Variants in DMXL1 observed in about 807,000 individuals in gnomAD.
DMXL1 encodes dmX-like protein 1.
DMXL1 carries 99 observed loss-of-function variants against 319.2 expected under a neutral mutation model. The ratio of observed to expected loss-of-function variants is 0.31; its 90% CI spans 0.26 to 0.37. The LOEUF (loss-of-function observed/expected upper bound fraction) is 0.37. Among genes scored for constraint, DMXL1 ranks in the 10% least tolerant of loss-of-function variants. The pLI, the probability that DMXL1 is intolerant of heterozygous loss-of-function variation, is 1.00. For missense variants in DMXL1, 3,745 were observed against 3,595.6 expected (o/e 1.04, Z -1.06); for synonymous variants, 1,385 against 1,235.2 (o/e 1.12, Z -2.54).
intron 13 of DMXL1, among the ~76,000 whole-genome samples, chr5:119,141,754 A>G (rs1053365999): frequency 2.6e-5 from 4 of 152,200 alleles, no homozygotes; most frequent in Admixed American, 6.5e-5. Context: ...ACAGAACTAG[A>G]GAAACCTATT....
At chr5:119,240,569 A>G (rs986123231) in intron 42 of DMXL1, 98 bp downstream of exon 42, 129 of 894,640 alleles carry the variant, frequency 1.4e-4, no homozygotes, top group Admixed American at 2.1e-4. Flanking sequence ...ACATATATTT[A>G]TTAACCCATG....
At chr5:119,231,777 G>C (rs748678295) in intron 38 of DMXL1, among the ~76,000 whole-genome samples, 2 of 152,188 alleles carry the variant, frequency 1.3e-5, no homozygotes, top group Non-Finnish European at 2.9e-5. Flanking sequence ...TGGTTAAGTG[G>C]AAAGTCCTCA....
chr5:119,121,869 C>CTGCAATCTCGGCACTTTG (rs1176515263), intron 9 of DMXL1, among the ~76,000 whole-genome samples: 9 of 150,220 alleles, frequency 6.0e-5, no homozygotes, highest in South Asian at 2.1e-4. Context: ...CGGGCAGAGG[C>CTGCAATCTCGGCACTTTG]GCCCCTCACC....
chr5:119,118,776 A>T (rs774412610), intron 7 of DMXL1, 39 bp from the exon 8 acceptor site: 1 of 1,498,760 alleles, frequency 6.7e-7, no homozygotes, highest in South Asian at 1.2e-5. Context: ...TACTATGTGA[A>T]ATTTGTATTT....
chr5:119,109,727 G>C (rs758561923), intron 4 of DMXL1, among the ~76,000 whole-genome samples: 1 of 151,978 alleles, frequency 6.6e-6, no homozygotes, highest in Non-Finnish European at 1.5e-5. Context: ...ACTTTTCCTG[G>C]CACTTTTACT....
At chr5:119,179,245 C>A (rs893641631) in intron 28 of DMXL1, among the ~76,000 whole-genome samples, 1 of 146,802 alleles carries the variant, frequency 6.8e-6, no homozygotes, top group Non-Finnish European at 1.5e-5. Context: ...ATACATAGTA[C>A]TTGAAAACTT....
Position 119,094,949 on chromosome 5 carries a change from A to G in DMXL1, c.88-3030A>G, listed in dbSNP as rs1339966514. Among the ~76,000 whole-genome samples the G allele has an allele frequency of 2.0e-5, 3 of 149,736 alleles. No individual in the cohort carries two copies. The Admixed American group carries it at 2.0e-4, about 10-fold the overall frequency. On this transcript the variant is annotated intron_variant, in intron 1 of 43. Coordinates refer to ENST00000539542, the MANE Select transcript of DMXL1 (RefSeq NM_001290321.3). ...ATGCTCACCACAGCCTTGACCTTCT[A>G]GGCTCAGGTTATCCTCCCACCTCAG...
rs954259938 is a variant in DMXL1 at position 119,089,775 on chromosome 5, C to T, written c.88-8204C>T. 6.6e-5 allele frequency among the ~76,000 whole-genome samples: 10 copies of T among 151,300 alleles called. 1 individual carries two copies. The highest frequency in any genetic ancestry group is 2.2e-4 in the African/African-American group (9 of 41,118). Reference sequence around the variant, plus strand: ...CTGAGTAGCTGGGATTACAGGCATACGCCACCATACCCAGCTAATTTTGTA... The same window carrying T: ...CTGAGTAGCTGGGATTACAGGCATATGCCACCATACCCAGCTAATTTTGTA... On this transcript the variant is annotated intron_variant, in intron 1 of 43. Transcript: ENST00000539542.
At chr5:119,239,604 G>A (rs902639971) in intron 41 of DMXL1, among the ~76,000 whole-genome samples, 1 of 152,080 alleles carries the variant, frequency 6.6e-6, no homozygotes, top group African/African-American at 2.4e-5. Context: ...ATTTGTAAAC[G>A]CATGTTAATC....
chr5:119,170,637 C>G lies in DMXL1; in HGVS notation c.5846C>G (p.Ser1949Cys). 1.9e-6 allele frequency: 3 copies of G among 1,613,728 alleles called. No individual in the cohort carries two copies. The South Asian group carries it at 3.3e-5, about 18-fold the overall frequency. Residue 1949 changes from serine (S) to cysteine (C), a missense_variant, in exon 24 of 44, where the codon TCT becomes TGT. By Grantham distance (112) the Ser-to-Cys change is moderately radical. Coordinates refer to ENST00000539542, the MANE Select transcript of DMXL1 (RefSeq NM_001290321.3). The part of the protein sequence containing the change: ...SSEKQSNSTL[S>C]FDWSQPSVVF... ...GAGAAGCAATCAAACTCCACTCTTT[C>G]TTTTGACTGGAGCCAACCAAGTGTT...
chr5:119,189,146 A>AT (rs1450929133), intron 28 of DMXL1, among the ~76,000 whole-genome samples: 1 of 152,178 alleles, frequency 6.6e-6, no homozygotes, highest in African/African-American at 2.4e-5. Flanking sequence ...AAACAACAAA[A>AT]TTGCATTATT....
At chr5:119,132,725 C>T in intron 10 of DMXL1, 1 of 519,586 alleles carries the variant, frequency 1.9e-6, no homozygotes, top group Non-Finnish European at 3.9e-6. Context: ...GACAATTAGT[C>T]CTATATTGGC....
At chr5:119,164,475 TC>T (rs753658025) in intron 19 of DMXL1, 31 bp from the exon 20 acceptor site, 8 of 1,568,664 alleles carry the variant, frequency 5.1e-6, no homozygotes, top group Non-Finnish European at 7.0e-6. Context: ...TATTTATAAT[TC>T]TTATAAACAT....
intron 32 of DMXL1, among the ~76,000 whole-genome samples, 185 bp downstream of exon 32, chr5:119,198,141 A>G (rs574601280): frequency 1.3e-5 from 2 of 152,208 alleles, no homozygotes; most frequent in South Asian, 2.1e-4. Flanking sequence ...GGCGCCTGCC[A>G]CCACGCCTGG....
chr5:119,140,817 T>G (rs554520569), intron 13 of DMXL1, among the ~76,000 whole-genome samples: 6 of 152,182 alleles, frequency 3.9e-5, no homozygotes, highest in African/African-American at 1.4e-4. Flanking sequence ...AAGAAAACTT[T>G]AGCCCAATAT....
chr5:119,184,654 A>G (rs990080500), intron 28 of DMXL1, among the ~76,000 whole-genome samples: 2 of 152,148 alleles, frequency 1.3e-5, no homozygotes, highest in Non-Finnish European at 2.9e-5. Flanking sequence ...CCCACTTCAT[A>G]CAATCCCTGG....
chr5:119,157,592 G>A (rs1055918660), intron 19 of DMXL1, among the ~76,000 whole-genome samples: 3 of 152,106 alleles, frequency 2.0e-5, no homozygotes, highest in Non-Finnish European at 4.4e-5. Flanking sequence ...CTTTCCCATT[G>A]TGTGTTCCTG....
In DMXL1 at chr5:119,223,149, C is replaced by T. The variant is rs1243365737; in HGVS notation, c.8278-1560C>T. 2.0e-5 allele frequency among the ~76,000 whole-genome samples: 3 copies of T among 150,682 alleles called. No homozygotes were observed. The East Asian group carries it at 5.9e-4, about 29-fold the overall frequency. ...TTGGCTCACTGCAACCTCCACCCCA[C>T]AGGTTCAAGCAATTCTCCTGCCTCA... On this transcript the variant is annotated intron_variant, in intron 37 of 43. Coordinates refer to ENST00000539542, the MANE Select transcript of DMXL1 (RefSeq NM_001290321.3).
Position 119,134,377 on chromosome 5 carries a change from C to A in DMXL1, c.2364C>A (p.Asn788Lys). The change falls in exon 13 of 44, where the codon AAC becomes AAA. Residue 788 changes from asparagine to lysine, a missense_variant. Physicochemically the swap from Asn to Lys is moderately conservative, Grantham distance 94. This residue lies in a region of DMXL1 where 2,096 missense variants were observed against 1,985.4 expected (regional missense o/e 1.06). Transcript: ENST00000539542. ...AGAAACTTTTATCTGAGCTTTCTAA[C>A]CCTGAAATTTCTGTAAGTAATGTCT... ...DAKKLLSELS[N>K]PEISKYVGEV... 1 of 1,608,752 alleles carries A rather than the reference C, an allele frequency of 6.2e-7. No individual in the cohort carries two copies. Among genetic ancestry groups the A allele is most frequent in the East Asian group, 2.2e-5 (1 of 44,830 alleles).
Sources: gnomAD v4.1 joint callset for allele counts (sites outside exome capture counted in the v4.1 genomes callset) on GRCh38, gnomAD v4.1.1 for gene constraint, gnomAD v4.1.1 regional missense constraint, MANE v1.5 for transcripts, NCBI Gene and HGNC (gene_info 2026-07-23, HGNC 2026-07-21) for gene names.